DCP1B: variants seen among roughly 807,000 people sequenced by gnomAD.
DCP1B encodes the protein decapping mRNA 1B.
DCP1B carries 47 observed loss-of-function variants against 60.5 expected under a neutral mutation model. That is an observed-to-expected ratio of 0.78 (90% CI 0.61 to 0.99). The LOEUF is 0.99. Ranked by LOEUF, DCP1B falls within the 50% of genes least tolerant of loss-of-function variation. The pLI is 0.00. For synonymous variants in DCP1B, 267 were observed against 280.3 expected, an observed-to-expected ratio of 0.95 and a Z score of 0.47; for missense variants, 725 against 756.8, an observed-to-expected ratio of 0.96 and a Z score of 0.49.
intron 5 of DCP1B, among the ~76,000 whole-genome samples, chr12:1,956,770 T>G (rs1298114541): frequency 6.6e-6 from 1 of 152,236 alleles, no homozygotes; most frequent in Non-Finnish European, 1.5e-5. Flanking sequence ...ATTTAATCCC[T>G]TACACAATTT....
At chr12:1,973,613 A>G (rs1283811673) in intron 3 of DCP1B, among the ~76,000 whole-genome samples, 1 of 152,294 alleles carries the variant, frequency 6.6e-6, no homozygotes, top group East Asian at 1.9e-4. Context: ...GGGAACCTTG[A>G]GGTCATCTAC....
intron 4 of DCP1B, among the ~76,000 whole-genome samples, chr12:1,966,698 A>G (rs2031307147): frequency 6.6e-6 from 1 of 152,158 alleles, no homozygotes; most frequent in Non-Finnish European, 1.5e-5. Context: ...ATTATTATCC[A>G]CTGCACAATT....
chr12:1,997,879 G>A (rs752329241), intron 2 of DCP1B, 56 bp downstream of exon 2: 25 of 1,386,086 alleles, frequency 1.8e-5, no homozygotes, highest in Middle Eastern at 3.6e-4. Context: ...GTGACACAAC[G>A]GAGCTAAAAT....
In DCP1B at chr12:1,946,180, A is replaced by G; in HGVS notation, c.*26T>C. ...GTGCCGGAGTTCTAGAAGGACCTTG[A>G]AAATCAGTTTTAAAAGGCCTTGCTG... On this transcript the variant is annotated 3_prime_UTR_variant, in exon 9 of 9. Coordinates refer to ENST00000280665, the MANE Select transcript of DCP1B (RefSeq NM_152640.5). The G allele has an allele frequency of 6.5e-7, 1 of 1,541,638 alleles. No homozygotes were observed. The highest frequency in any genetic ancestry group is 8.7e-7 in the Non-Finnish European group (1 of 1,143,726).
At chr12:1,982,784 G>C (rs544268795) in intron 3 of DCP1B, among the ~76,000 whole-genome samples, 1 of 152,068 alleles carries the variant, frequency 6.6e-6, no homozygotes, top group Non-Finnish European at 1.5e-5. Flanking sequence ...TTGGTATCAG[G>C]ATAATGCTGC....
At chr12:1,956,240 C>T (rs1839767793) in intron 5 of DCP1B, among the ~76,000 whole-genome samples, 1 of 152,146 alleles carries the variant, frequency 6.6e-6, no homozygotes, top group Admixed American at 6.5e-5. Context: ...ATTGCTAACA[C>T]AGTAGGATTC....
intron 3 of DCP1B, among the ~76,000 whole-genome samples, chr12:1,982,529 G>A (rs942224362): frequency 2.0e-5 from 2 of 99,608 alleles, no homozygotes; most frequent in African/African-American, 9.4e-5. Flanking sequence ...GTTCATTCAC[G>A]TTGTACTATA....
chr12:1,952,237 G>A (rs1347359259), intron 7 of DCP1B, among the ~76,000 whole-genome samples, 179 bp downstream of exon 7: 15 of 152,044 alleles, frequency 9.9e-5, no homozygotes, highest in Non-Finnish European at 1.6e-4. Flanking sequence ...GCAGTGGCAC[G>A]ATCATGGTTC....
chr12:1,968,001 CTA>C (rs1289661552), intron 3 of DCP1B, 91 bp from the exon 4 acceptor site: 15 of 982,928 alleles, frequency 1.5e-5, no homozygotes, highest in African/African-American at 6.6e-5. Context: ...ACATAATAAT[CTA>C]TGTGTTAAAT....
chr12:1,955,993 A>C (rs1157388333), intron 5 of DCP1B, among the ~76,000 whole-genome samples: 1 of 151,670 alleles, frequency 6.6e-6, no homozygotes, highest in Non-Finnish European at 1.5e-5. Context: ...CATTTCATCA[A>C]AGTAACTAAA....
intron 5 of DCP1B, 55 bp downstream of exon 5, chr12:1,965,503 A>G: frequency 2.0e-6 from 3 of 1,525,902 alleles, no homozygotes; most frequent in South Asian, 2.6e-5. Flanking sequence ...AAACAAGAAT[A>G]TTCCCACTGC....
At chr12:1,984,206 G>T (rs2036975054) in intron 3 of DCP1B, among the ~76,000 whole-genome samples, 1 of 151,966 alleles carries the variant, frequency 6.6e-6, no homozygotes, top group Non-Finnish European at 1.5e-5. Flanking sequence ...TAATCACTAT[G>T]TTAGCCCATT....
chr12:1,964,505 A>G (rs1948229684), intron 5 of DCP1B, among the ~76,000 whole-genome samples: 1 of 152,114 alleles, frequency 6.6e-6, no homozygotes, highest in South Asian at 2.1e-4. Flanking sequence ...CTCTTTTCCT[A>G]GATTATAAAG....
intron 3 of DCP1B, among the ~76,000 whole-genome samples, chr12:1,968,479 A>G: frequency 6.6e-6 from 1 of 152,194 alleles, no homozygotes; most frequent in African/African-American, 2.4e-5. Flanking sequence ...CCTGAACACA[A>G]CAGGCACTCG....
At chr12:1,983,502 G>A (rs577657494) in intron 3 of DCP1B, among the ~76,000 whole-genome samples, 2 of 152,018 alleles carry the variant, frequency 1.3e-5, no homozygotes, top group South Asian at 4.1e-4. Context: ...GAAGTATGCT[G>A]TTTAATTTCC....
At chr12:1,988,980 C>T (rs2038616238) in intron 3 of DCP1B, among the ~76,000 whole-genome samples, 1 of 152,178 alleles carries the variant, frequency 6.6e-6, no homozygotes, top group African/African-American at 2.4e-5. Context: ...CTGATTTGAT[C>T]TAAACTTCAG....
intron 3 of DCP1B, among the ~76,000 whole-genome samples, chr12:1,989,212 T>G (rs186862821): frequency 2.9e-4 from 44 of 152,280 alleles, no homozygotes; most frequent in Admixed American, 2.9e-3. Context: ...AGCAAGATCC[T>G]GTCTCTAAAA....
chr12:1,987,454 C>G (rs1160403799), intron 3 of DCP1B, among the ~76,000 whole-genome samples: 1 of 152,112 alleles, frequency 6.6e-6, no homozygotes, highest in African/African-American at 2.4e-5. Context: ...AATACATGTA[C>G]ATAATTTTAG....
At chr12:1,995,573 T>A (rs1323549502) in intron 2 of DCP1B, among the ~76,000 whole-genome samples, 1 of 152,222 alleles carries the variant, frequency 6.6e-6, no homozygotes, top group Non-Finnish European at 1.5e-5. Flanking sequence ...TGCCTCCCAT[T>A]CCTTCCTTCC....
Sources: gnomAD v4.1 joint callset for allele counts (sites outside exome capture counted in the v4.1 genomes callset) on GRCh38, gnomAD v4.1.1 for gene constraint, MANE v1.5 for transcripts, NCBI Gene and HGNC (gene_info 2026-07-23, HGNC 2026-07-21) for gene names.